ARHGAP11A: variants seen among roughly 807,000 people sequenced by gnomAD.
The protein encoded by ARHGAP11A is rho GTPase-activating protein 11A.
In ARHGAP11A, 36 loss-of-function variants were observed where a neutral mutation model predicts 60.5. The ratio of observed to expected loss-of-function variants is 0.59; its 90% CI spans 0.46 to 0.79. The LOEUF (loss-of-function observed/expected upper bound fraction) is 0.79. ARHGAP11A is among the 30% of genes least tolerant of loss of function. The probability of loss-of-function intolerance (pLI) is 0.00; values close to 1 mark genes in which losing one functional copy is unlikely to be tolerated. For missense variants in ARHGAP11A, 1,071 were observed against 1,199.2 expected (o/e 0.89, Z 1.58); for synonymous variants, 362 against 415.5 (o/e 0.87, Z 1.57).
rs2053781096 is a variant in ARHGAP11A, at chr15:32,638,682, A to T, written c.*837A>T. 6.6e-6 allele frequency: 1 copy of T among 152,650 alleles called. No individual in the cohort carries two copies. Among genetic ancestry groups the T allele is most frequent in the South Asian group, 2.1e-4 (1 of 4,836 alleles). 9.5% of individuals were successfully genotyped at this position (152,650 alleles called of 1,614,324 possible). On this transcript the variant is annotated 3_prime_UTR_variant, in exon 12 of 12. Coordinates refer to ENST00000361627, the MANE Select transcript of ARHGAP11A (RefSeq NM_014783.6). The stretch of plus-strand genomic sequence containing the variant: ...TTTCATTTATAGTGCCAGTAGGTGT[A>T]CCTTGTGTTCACTCGAACTAAGAAC...
intron 1 of ARHGAP11A, among the ~76,000 whole-genome samples, chr15:32,616,880 G>A (rs1042894342): frequency 2.6e-5 from 4 of 152,216 alleles, no homozygotes; most frequent in Non-Finnish European, 5.9e-5. Flanking sequence ...ATTAGAAATA[G>A]GCTTCAAATG....
chr15:32,629,404 T>C (rs2140463311), intron 7 of ARHGAP11A, among the ~76,000 whole-genome samples, 191 bp from the exon 8 acceptor site: 1 of 148,410 alleles, frequency 6.7e-6, no homozygotes, highest in African/African-American at 2.5e-5. Flanking sequence ...CCTCTGCGAC[T>C]TCCTTATTTT....
intron 10 of ARHGAP11A, among the ~76,000 whole-genome samples, chr15:32,635,142 T>G (rs1029864463): frequency 1.3e-5 from 2 of 152,210 alleles, no homozygotes; most frequent in African/African-American, 4.8e-5. Context: ...ATTTCTGAGC[T>G]CTCCTCCAGT....
intron 2 of ARHGAP11A, among the ~76,000 whole-genome samples, chr15:32,622,007 GT>G (rs1184707992): frequency 1.3e-5 from 2 of 152,310 alleles, no homozygotes; most frequent in South Asian, 4.1e-4. Context: ...CCTTAGGACA[GT>G]TTCCCCCCAT....
chr15:32,627,913 G>A (rs887721665), intron 6 of ARHGAP11A, among the ~76,000 whole-genome samples: 5 of 150,458 alleles, frequency 3.3e-5, no homozygotes, highest in East Asian at 2.0e-4. Flanking sequence ...GGGTTCAAGC[G>A]ATTCTCTTGC....
chr15:32,637,479 A>C lies in ARHGAP11A; in HGVS notation c.2706A>C (p.Glu902Asp). 1 of 1,614,036 alleles carries C rather than the reference A, an allele frequency of 6.2e-7. No homozygotes were observed. Among genetic ancestry groups the C allele is most frequent in the Non-Finnish European group, 8.5e-7 (1 of 1,180,032 alleles). Residue 902 changes from glutamate (E) to aspartate (D), a missense_variant, in exon 12 of 12, where the codon GAA becomes GAC. Glu to Asp is a conservative substitution (Grantham distance 45). Transcript: ENST00000361627. The stretch of plus-strand genomic sequence containing the variant: ...CATGTATCAAATCAGGTCCTAAAGA[A>C]CAGAAGTCCATGTCATGTGAAGAGT... ...SVSCIKSGPK[E>D]QKSMSCEESN...
chr15:32,633,846 C>T (rs2053641411), intron 9 of ARHGAP11A, 87 bp from the exon 10 acceptor site: 1 of 751,696 alleles, frequency 1.3e-6, no homozygotes, highest in East Asian at 2.8e-5. Context: ...ATATGATTTG[C>T]TGTGGACTTT....
At chr15:32,626,752 CTCCTGGT>C (rs771321595) in intron 6 of ARHGAP11A, among the ~76,000 whole-genome samples, 19 of 152,232 alleles carry the variant, frequency 1.2e-4, no homozygotes, top group Admixed American at 2.6e-4. Context: ...CTCTTCCTGG[CTCCTGGT>C]AGTGGCTGTC....
At position 32,637,922 on chromosome 15, in the gene ARHGAP11A, G is replaced by T; in HGVS notation, c.*77G>T. On this transcript the variant is annotated 3_prime_UTR_variant, in exon 12 of 12. Coordinates refer to ENST00000361627, the MANE Select transcript of ARHGAP11A (RefSeq NM_014783.6). Reference sequence around the variant, plus strand: ...GACTTGCAGGATGATGTACATGTTAGTTTGTAGCTCAGGATGATTGTTAAG... The same window carrying T: ...GACTTGCAGGATGATGTACATGTTATTTTGTAGCTCAGGATGATTGTTAAG... 3.2e-6 allele frequency: 4 copies of T among 1,243,226 alleles called. No individual in the cohort carries two copies. Among genetic ancestry groups the T allele is most frequent in the Non-Finnish European group, 4.4e-6 (4 of 907,190 alleles). 77.0% of individuals were successfully genotyped at this position (1,243,226 alleles called of 1,614,324 possible). A position where few individuals can be genotyped will look rare whatever the true frequency, so the allele number is the denominator to read the frequency against.
In ARHGAP11A at chr15:32,637,045, G is replaced by A. The variant is rs766956038; in HGVS notation, c.2272G>A (p.Glu758Lys). ...GAAGTGTGCAGCACATAGCAAGGAC[G>A]AGGCTAGATCCTCTTTCTCACAGCA... Reference protein sequence around the residue: ...LPKCAAHSKDEARSSFSQQST... With the variant: ...LPKCAAHSKDKARSSFSQQST... The change falls in exon 12 of 12, where the codon GAG becomes AAG. Residue 758 changes from glutamate to lysine, a missense_variant. Physicochemically the swap from Glu to Lys is moderately conservative, Grantham distance 56. Coordinates refer to ENST00000361627, the MANE Select transcript of ARHGAP11A (RefSeq NM_014783.6). 1.2e-5 allele frequency: 20 copies of A among 1,613,830 alleles called. 1 individual carries two copies. Among genetic ancestry groups the A allele is most frequent in the South Asian group, 9.9e-5 (9 of 91,078 alleles).
intron 6 of ARHGAP11A, among the ~76,000 whole-genome samples, chr15:32,626,305 A>G (rs1385668295): frequency 5.9e-5 from 9 of 152,278 alleles, no homozygotes; most frequent in Non-Finnish European, 8.8e-5. Context: ...TGGATTAGTT[A>G]GGAGTACGAA....
At chr15:32,623,842 T>C (rs929468190) in intron 3 of ARHGAP11A, among the ~76,000 whole-genome samples, 2 of 152,144 alleles carry the variant, frequency 1.3e-5, no homozygotes, top group African/African-American at 4.8e-5. Context: ...AAAAATGTGT[T>C]AAGTTATATT....
At chr15:32,626,263 C>T (rs1459682446) in intron 6 of ARHGAP11A, among the ~76,000 whole-genome samples, 1 of 150,680 alleles carries the variant, frequency 6.6e-6, no homozygotes, top group African/African-American at 2.4e-5. Context: ...GTAGTCCAGG[C>T]ATCAGATTAT....
rs755229631 is a variant in ARHGAP11A, at chr15:32,635,758, CT to C, written c.1345-9del. On this transcript the variant is annotated intron_variant, in intron 10 of 11. Coordinates refer to ENST00000361627, the MANE Select transcript of ARHGAP11A (RefSeq NM_014783.6). ...AACTAGGCTTATTTCTTAACTAAAA[CT>C]TTTTTTTTTCTGTACAGAATGGATG... The C allele has an allele frequency of 5.1e-4, 698 of 1,366,868 alleles. No homozygotes were observed. Among genetic ancestry groups the C allele is most frequent in the South Asian group, 1.8e-3 (116 of 63,622 alleles). 84.7% of individuals were successfully genotyped at this position (1,366,868 alleles called of 1,614,324 possible).
chr15:32,630,985 A>T (rs2053570195), intron 8 of ARHGAP11A, among the ~76,000 whole-genome samples: 1 of 152,140 alleles, frequency 6.6e-6, no homozygotes, highest in South Asian at 2.1e-4. Context: ...AGGAATGAAC[A>T]TACTGATTCC....
In ARHGAP11A at chr15:32,625,553, C is replaced by T. The variant is rs373668370; in HGVS notation, c.782C>T (p.Thr261Ile). Residue 261 changes from threonine (T) to isoleucine (I), a missense_variant, in exon 6 of 12, where the codon ACT becomes ATT. Transcript: ENST00000361627. ...TTGGGTATTGATGGTCTCTGTGCTA[C>T]TCCATCACTGGAAGGCTTTGAAGAA... ...AMLGIDGLCA[T>I]PSLEGFEEGE... 19 of 1,613,550 alleles carry T rather than the reference C, an allele frequency of 1.2e-5. No homozygotes were observed. The highest frequency in any genetic ancestry group is 1.6e-4 in the Middle Eastern group (1 of 6,078).
At position 32,636,878 on chromosome 15, in the gene ARHGAP11A, A is replaced by G. The variant is rs370856022; in HGVS notation, c.2105A>G (p.Asp702Gly). 6 of 1,613,014 alleles carry G rather than the reference A, an allele frequency of 3.7e-6. No individual in the cohort carries two copies. Among genetic ancestry groups the G allele is most frequent in the Non-Finnish European group, 5.1e-6 (6 of 1,179,746 alleles). Residue 702 changes from aspartate to glycine, a missense_variant, in exon 12 of 12, where the codon GAC becomes GGC. Asp to Gly is a moderately conservative substitution (Grantham distance 94). This residue lies in a region of ARHGAP11A where 776 missense variants were observed against 760.2 expected (regional missense o/e 1.02). Transcript: ENST00000361627. ...CAGATGAAGATGGAACATGAAAAAG[A>G]CATTCATTCAAATATGCCAAAAGAT... ...STQMKMEHEKDIHSNMPKDYL... is the reference protein window; with the variant it reads ...STQMKMEHEKGIHSNMPKDYL...
At position 32,627,438 on chromosome 15, in the gene ARHGAP11A, G is replaced by T. The variant is rs139283606; in HGVS notation, c.863-1290G>T. 1.4e-4 allele frequency among the ~76,000 whole-genome samples: 22 copies of T among 152,152 alleles called. No individual in the cohort carries two copies. The East Asian group carries it at 3.5e-3, about 24-fold the overall frequency. On this transcript the variant is annotated intron_variant, in intron 6 of 11. Transcript: ENST00000361627. The stretch of plus-strand genomic sequence containing the variant: ...AGTGTTTATTGCATTGTTACTGTAA[G>T]AATCTTCTTGGCCGGGCGCGATGGC...
At chr15:32,632,253 C>G (rs1040377552) in intron 8 of ARHGAP11A, among the ~76,000 whole-genome samples, 3 of 152,054 alleles carry the variant, frequency 2.0e-5, no homozygotes, top group Admixed American at 6.6e-5. Flanking sequence ...AGCCTTTGTT[C>G]ATAACTATTT....
Sources: allele counts gnomAD v4.1 joint callset (sites outside exome capture counted in the v4.1 genomes callset), GRCh38; gene constraint gnomAD v4.1.1; regional missense constraint gnomAD v4.1.1; transcripts MANE v1.5; gene names NCBI Gene and HGNC (gene_info 2026-07-23, HGNC 2026-07-21).